Variants in SLIT3 observed in about 807,000 individuals in gnomAD.
SLIT3 encodes the protein slit guidance ligand 3.
Under a neutral mutation model 184.0 loss-of-function variants are expected in SLIT3, and 68 were observed. The observed-to-expected ratio is 0.37, with a 90% CI of 0.30 to 0.45. SLIT3 has a LOEUF of 0.45. Ranked by LOEUF, SLIT3 falls within the 20% of genes least tolerant of loss-of-function variation. The pLI, the probability that SLIT3 is intolerant of heterozygous loss-of-function variation, is 1.00. For missense variants in SLIT3, 1,707 were observed against 2,026.0 expected (o/e 0.84, Z 3.02); for synonymous variants, 831 against 828.6 (o/e 1.00, Z -0.05).
chr5:168,831,351 C>A (rs911570557), intron 6 of SLIT3, among the ~76,000 whole-genome samples: 5 of 152,038 alleles, frequency 3.3e-5, no homozygotes, highest in Non-Finnish European at 7.4e-5. Context: ...GGTGGGAAGC[C>A]ATCTCTTTCG....
At chr5:169,104,420 T>C (rs1760129299) in intron 4 of SLIT3, among the ~76,000 whole-genome samples, 1 of 152,206 alleles carries the variant, frequency 6.6e-6, no homozygotes, top group Admixed American at 6.5e-5. Flanking sequence ...CTGACATCTT[T>C]GCATAGGGTA....
intron 4 of SLIT3, among the ~76,000 whole-genome samples, chr5:168,896,042 G>A (rs1053140354): frequency 6.6e-6 from 1 of 152,154 alleles, no homozygotes; most frequent in East Asian, 1.9e-4. Flanking sequence ...TAGGAGGCAG[G>A]GGGGAAACTT....
chr5:168,728,590 A>G (rs1306551827), intron 20 of SLIT3, among the ~76,000 whole-genome samples: 1 of 152,092 alleles, frequency 6.6e-6, no homozygotes, highest in Non-Finnish European at 1.5e-5. Flanking sequence ...GGCTATAAAT[A>G]AGAAATTTCC....
chr5:168,724,395 A>C (rs768682317), intron 21 of SLIT3, 21 bp downstream of exon 21: 2 of 1,604,816 alleles, frequency 1.2e-6, no homozygotes, highest in South Asian at 1.1e-5. Context: ...TAAACATCCC[A>C]CCCAATACTG....
Position 169,300,472 on chromosome 5 carries a change from C to T in SLIT3, c.197+41G>A. ...GCGCCTGGGGCCCCCTCGGTGGGAC[C>T]CAGGTGGGTGGCCCGCGTGGGGTGG... On this transcript the variant is annotated intron_variant, in intron 1 of 35. Transcript: ENST00000519560. This position sits in a 1 kb window ranked among gnomAD's most constrained non-coding sequence, Gnocchi z 4.1. 1.4e-6 allele frequency: 2 copies of T among 1,427,238 alleles called. No individual in the cohort carries two copies. Among genetic ancestry groups the T allele is most frequent in the Admixed American group, 5.4e-5 (2 of 36,720 alleles). 88.4% of individuals were successfully genotyped at this position (1,427,238 alleles called of 1,614,324 possible).
intron 5 of SLIT3, among the ~76,000 whole-genome samples, chr5:168,852,252 C>T (rs1758706709): frequency 6.6e-6 from 1 of 152,212 alleles, no homozygotes; most frequent in East Asian, 1.9e-4. Context: ...TGTTAACGGG[C>T]ATGAAAAGTT....
At chr5:169,086,304 T>A (rs947629005) in intron 4 of SLIT3, among the ~76,000 whole-genome samples, 12 of 152,232 alleles carry the variant, frequency 7.9e-5, no homozygotes, top group African/African-American at 2.9e-4. Context: ...TGAAAGTGTG[T>A]TGGTGAATCC....
chr5:168,993,882 A>G (rs1319734225), intron 4 of SLIT3, among the ~76,000 whole-genome samples: 1 of 152,244 alleles, frequency 6.6e-6, no homozygotes, highest in Non-Finnish European at 1.5e-5. Context: ...ATGTTATAAC[A>G]TAATACAAAC....
intron 4 of SLIT3, among the ~76,000 whole-genome samples, chr5:168,999,720 C>T (rs1007940707): frequency 3.3e-5 from 5 of 152,200 alleles, no homozygotes; most frequent in Admixed American, 6.5e-5. Flanking sequence ...CTGTCAAAGC[C>T]GAGGAATGTG....
chr5:168,907,981 G>T (rs200449470), intron 4 of SLIT3, among the ~76,000 whole-genome samples: 504 of 98,008 alleles, frequency 5.1e-3, no homozygotes, highest in East Asian at 7.6e-3. Flanking sequence ...TATATATATA[G>T]AGAGAGAGAG....
intron 5 of SLIT3, among the ~76,000 whole-genome samples, chr5:168,856,807 G>GCGCA (rs1554149475): frequency 1.0e-5 from 1 of 98,034 alleles, no homozygotes; most frequent in African/African-American, 4.0e-5. Flanking sequence ...GTGTGTGTGT[G>GCGCA]CGCGCGCGCG....
rs6880565 is a variant in SLIT3 at position 168,805,460 on chromosome 5, A to G, written c.935+986T>C. On this transcript the variant is annotated intron_variant, in intron 9 of 35. Transcript: ENST00000519560. ...CTCAGTAGAAGGGCTCCATATAATG[A>G]TCTTTTTAATCAAGCCAACTAAAGG... Among the ~76,000 whole-genome samples the G allele has an allele frequency of 4.4e-3, 670 of 152,288 alleles. 6 individuals carry two copies. The highest frequency in any genetic ancestry group is 0.016 in the African/African-American group (653 of 41,560).
chr5:168,811,753 T>G (rs1561945907), intron 8 of SLIT3, among the ~76,000 whole-genome samples: 1 of 152,268 alleles, frequency 6.6e-6, no homozygotes, highest in African/African-American at 2.4e-5. Context: ...GGAACTCTTA[T>G]ACACTGTTGG....
At chr5:169,072,849 C>T (rs1409262682) in intron 4 of SLIT3, among the ~76,000 whole-genome samples, 3 of 152,174 alleles carry the variant, frequency 2.0e-5, no homozygotes, top group South Asian at 2.1e-4. Flanking sequence ...GTCTCCAACA[C>T]CTTCCTTCTT....
At chr5:169,143,473 CA>C (rs1761811511) in intron 4 of SLIT3, among the ~76,000 whole-genome samples, 1 of 152,208 alleles carries the variant, frequency 6.6e-6, no homozygotes, top group Non-Finnish European at 1.5e-5. Flanking sequence ...TACATTGCTG[CA>C]GTATGATTTC....
chr5:168,952,968 C>G (rs1057021686), intron 4 of SLIT3, among the ~76,000 whole-genome samples: 1 of 152,178 alleles, frequency 6.6e-6, no homozygotes, highest in Non-Finnish European at 1.5e-5. Context: ...GAAGGGGGTT[C>G]TGGCTAAAGC....
chr5:168,714,999 G>A (rs1016299681), intron 23 of SLIT3, among the ~76,000 whole-genome samples: 1 of 152,162 alleles, frequency 6.6e-6, no homozygotes, highest in South Asian at 2.1e-4. Context: ...GAACCCCTAG[G>A]TCCTACGGTT....
chr5:168,930,555 T>C (rs1170914304), intron 4 of SLIT3, among the ~76,000 whole-genome samples: 2 of 151,832 alleles, frequency 1.3e-5, no homozygotes, highest in Admixed American at 6.6e-5. Flanking sequence ...CTACTGTAGG[T>C]GGGGAGGCTC....
chr5:168,800,909 G>C (rs887813428), intron 9 of SLIT3, among the ~76,000 whole-genome samples: 11 of 152,188 alleles, frequency 7.2e-5, no homozygotes, highest in African/African-American at 2.4e-4. Context: ...ATATACATGT[G>C]CAGATGTTTT....
Sources: gnomAD v4.1 joint callset for allele counts (sites outside exome capture counted in the v4.1 genomes callset) on GRCh38, gnomAD v4.1.1 for gene constraint, Gnocchi (gnomAD v3.1) non-coding constraint, MANE v1.5 for transcripts, NCBI Gene and HGNC (gene_info 2026-07-23, HGNC 2026-07-21) for gene names.